FUT8: variants seen among roughly 807,000 people sequenced by gnomAD.
FUT8 encodes alpha-(1,6)-fucosyltransferase.
FUT8 carries 29 observed loss-of-function variants against 71.3 expected under a neutral mutation model. The observed-to-expected ratio is 0.41, with a 90% CI of 0.30 to 0.55. The LOEUF is 0.55. Among genes scored for constraint, FUT8 ranks in the 20% least tolerant of loss-of-function variants. The pLI is 0.34. For synonymous variants in FUT8, 254 were observed against 239.3 expected (o/e 1.06, Z -0.57); for missense variants, 544 against 702.1 (o/e 0.77, Z 2.55).
chr14:65,535,338 T>C (rs1425328143), intron 2 of FUT8, among the ~76,000 whole-genome samples: 1 of 152,136 alleles, frequency 6.6e-6, no homozygotes, highest in African/African-American at 2.4e-5. Flanking sequence ...TGGCCTCAAG[T>C]GATCTGCCTG....
the FUT8 span, among the ~76,000 whole-genome samples, chr14:65,386,670 T>C: frequency 3.9e-5 from 6 of 151,982 alleles, 1 homozygote; most frequent in African/African-American, 1.4e-4. Flanking sequence ...ATTTATTACC[T>C]GTATCATATC....
At position 65,660,980 on chromosome 14, in the gene FUT8, C is replaced by T. The variant is rs1400446885; in HGVS notation, c.598-8263C>T. Among the ~76,000 whole-genome samples, 1 of 152,130 alleles carries T rather than the reference C, an allele frequency of 6.6e-6. No individual in the cohort carries two copies. The highest frequency in any genetic ancestry group is 6.5e-5 in the Admixed American group (1 of 15,268). On this transcript the variant is annotated intron_variant, in intron 6 of 10. Transcript: ENST00000673929. This position sits in a 1 kb window ranked among gnomAD's most constrained non-coding sequence, Gnocchi z 4.1. ...ATTACCAGCACAAAGCTAGATATTGCAAATCTTTTTAAACAAATAAAAACT... is the reference window on the plus strand; with the variant it reads ...ATTACCAGCACAAAGCTAGATATTGTAAATCTTTTTAAACAAATAAAAACT...
intron 3 of FUT8, among the ~76,000 whole-genome samples, chr14:65,611,447 C>T (rs935342847): frequency 6.6e-6 from 1 of 150,760 alleles, no homozygotes; most frequent in Non-Finnish European, 1.5e-5. Flanking sequence ...ATCTATTTTT[C>T]TTTTTCTCCA....
At chr14:65,510,303 T>C (rs1882249219) in intron 2 of FUT8, among the ~76,000 whole-genome samples, 2 of 152,158 alleles carry the variant, frequency 1.3e-5, no homozygotes, top group Non-Finnish European at 2.9e-5. Context: ...GAATGATCTT[T>C]TTAATGTGTT....
chr14:65,644,143 T>A (rs1891002933), intron 6 of FUT8, among the ~76,000 whole-genome samples: 1 of 152,160 alleles, frequency 6.6e-6, no homozygotes, highest in African/African-American at 2.4e-5. Flanking sequence ...GCAAGACGCC[T>A]ATGAAGGGAA....
At chr14:65,433,305 C>T (rs2065504420) in intron 1 of FUT8, among the ~76,000 whole-genome samples, 1 of 151,992 alleles carries the variant, frequency 6.6e-6, no homozygotes, top group Admixed American at 6.6e-5. Flanking sequence ...GGTGAGGTGG[C>T]AGAGGAAGTT....
Position 65,412,748 on chromosome 14 carries a change from G to C in FUT8, c.-792G>C, listed in dbSNP as rs574201312. 1 of 173,202 alleles carries C rather than the reference G, an allele frequency of 5.8e-6. No homozygotes were observed. The highest frequency in any genetic ancestry group is 2.4e-5 in the African/African-American group (1 of 41,638). 10.7% of individuals were successfully genotyped at this position (173,202 alleles called of 1,614,324 possible). On this transcript the variant is annotated 5_prime_UTR_variant, in exon 1 of 11. Coordinates refer to ENST00000673929, the MANE Select transcript of FUT8 (RefSeq NM_001371533.1). ...CTCCCCCATTCGCGCGCGCACGCCG[G>C]CGCTGGCCGAGGCTTCCCCGCCTGC...
chr14:65,601,888 T>G (rs1888306170), intron 3 of FUT8, among the ~76,000 whole-genome samples: 1 of 152,148 alleles, frequency 6.6e-6, no homozygotes. Flanking sequence ...ATTGAACAAG[T>G]ATTGATATTT....
chr14:65,693,291 G>A (rs1476628915), intron 7 of FUT8, among the ~76,000 whole-genome samples: 6 of 152,256 alleles, frequency 3.9e-5, no homozygotes, highest in South Asian at 2.1e-4. Flanking sequence ...GATCACTCGC[G>A]GTTAGGAGCT....
intron 3 of FUT8, among the ~76,000 whole-genome samples, chr14:65,590,219 G>A (rs757449644): frequency 6.6e-6 from 1 of 152,108 alleles, no homozygotes; most frequent in East Asian, 1.9e-4. Context: ...TGAGTTCATG[G>A]CAGAAAATTG....
chr14:65,626,124 A>C (rs143408738), intron 5 of FUT8, among the ~76,000 whole-genome samples: 17 of 152,144 alleles, frequency 1.1e-4, no homozygotes, highest in Admixed American at 5.2e-4. Flanking sequence ...TGTTACCCAC[A>C]TCTAATGGCT....
At position 65,439,970 on chromosome 14, in the gene FUT8, A is replaced by G. The variant is rs866601032; in HGVS notation, c.-325-15651A>G. 7.0e-3 allele frequency among the ~76,000 whole-genome samples: 946 copies of G among 134,480 alleles called. 40 individuals carry two copies. The highest frequency in any genetic ancestry group is 0.02 in the African/African-American group (729 of 36,708). 88.2% of individuals were successfully genotyped at this position (134,480 alleles called of 152,430 possible). On this transcript the variant is annotated intron_variant, in intron 1 of 10. Transcript: ENST00000673929. ...TGTGTGTGTGTATATATATATATATATATATATATATATATATATATGTAC... is the reference window on the plus strand; with the variant it reads ...TGTGTGTGTGTATATATATATATATGTATATATATATATATATATATGTAC...
At chr14:65,522,593 T>C (rs1159229368) in intron 2 of FUT8, among the ~76,000 whole-genome samples, 8 of 152,142 alleles carry the variant, frequency 5.3e-5, no homozygotes, top group Non-Finnish European at 8.8e-5. Context: ...AAAATTATAC[T>C]TTAAGTTCCA....
chr14:65,480,299 ATTTTTTTTTTTTTTTTT>A (rs5809276), intron 2 of FUT8, among the ~76,000 whole-genome samples: 1 of 96,978 alleles, frequency 1.0e-5, no homozygotes, highest in Non-Finnish European at 2.0e-5. Context: ...ATGAACTGTG[ATTTTTTTTTTTTTTTTT>A]TTTTTTTTTA....
rs147292982 is a variant in FUT8 at position 65,468,606 on chromosome 14, T to A, written c.-228+12888T>A. 4.3e-3 allele frequency among the ~76,000 whole-genome samples: 656 copies of A among 152,250 alleles called. 3 individuals are homozygous for A. Among genetic ancestry groups the A allele is most frequent in the African/African-American group, 0.015 (629 of 41,540 alleles). ...CTAAAGTTTTGCTTTTGATTTAGTTTTCTCTTTGTCTTATTTTCTGCAGCT... is the reference window on the plus strand; with the variant it reads ...CTAAAGTTTTGCTTTTGATTTAGTTATCTCTTTGTCTTATTTTCTGCAGCT... On this transcript the variant is annotated intron_variant, in intron 2 of 10. Coordinates refer to ENST00000673929, the MANE Select transcript of FUT8 (RefSeq NM_001371533.1).
At chr14:65,518,855 G>A (rs1362684630) in intron 2 of FUT8, among the ~76,000 whole-genome samples, 1 of 152,100 alleles carries the variant, frequency 6.6e-6, no homozygotes. Context: ...TAGTAGAGTT[G>A]GTGCCTTGCA....
chr14:65,510,648 A>G (rs987911542), intron 2 of FUT8, among the ~76,000 whole-genome samples: 3 of 151,974 alleles, frequency 2.0e-5, no homozygotes, highest in Admixed American at 6.5e-5. Flanking sequence ...TCATGTTTCA[A>G]TCTTGGTAGG....
chr14:65,429,931 A>G (rs2065446304), intron 1 of FUT8, among the ~76,000 whole-genome samples: 1 of 151,200 alleles, frequency 6.6e-6, no homozygotes, highest in South Asian at 2.1e-4. Context: ...TTGAATCCCA[A>G]AGCTTTTTAT....
At chr14:65,423,371 C>G (rs2065331414) in intron 1 of FUT8, among the ~76,000 whole-genome samples, 1 of 151,244 alleles carries the variant, frequency 6.6e-6, no homozygotes, top group South Asian at 2.1e-4. Context: ...ACGCCATTCT[C>G]CTGCCTCAGC....
Sources: allele counts gnomAD v4.1 joint callset (sites outside exome capture counted in the v4.1 genomes callset), GRCh38; gene constraint gnomAD v4.1.1; non-coding constraint Gnocchi (gnomAD v3.1); transcripts MANE v1.5; gene names NCBI Gene and HGNC (gene_info 2026-07-23, HGNC 2026-07-21).